The following MAP3K21 variants were observed in gnomAD, a reference collection of about 807,000 sequenced individuals.
MAP3K21 encodes mitogen-activated protein kinase kinase kinase MLK4.
Under a neutral mutation model 86.1 loss-of-function variants are expected in MAP3K21, and 63 were observed. The ratio of observed to expected loss-of-function variants is 0.73; its 90% CI spans 0.60 to 0.90. The LOEUF (loss-of-function observed/expected upper bound fraction) is 0.90, where lower values mean the gene tolerates loss of function less well. Ranked by LOEUF, MAP3K21 falls within the 40% of genes least tolerant of loss-of-function variation. The probability of loss-of-function intolerance (pLI) is 0.00; values close to 1 mark genes in which losing one functional copy is unlikely to be tolerated. For synonymous variants in MAP3K21, 558 were observed against 564.8 expected (o/e 0.99, Z 0.17); for missense variants, 1,220 against 1,367.7 (o/e 0.89, Z 1.70).
At position 233,371,933 on chromosome 1, in the gene MAP3K21, G is replaced by T. The variant is rs1301935032; in HGVS notation, c.1553-105G>T. The T allele has an allele frequency of 6.1e-6, 7 of 1,143,318 alleles. No individual in the cohort carries two copies. In the African/African-American group the frequency reaches 1.1e-4, roughly 18 times the overall value. The allele number at this position is 1,143,318 out of a possible 1,614,324, so 70.8% of individuals were successfully genotyped here. A position where few individuals can be genotyped will look rare whatever the true frequency, so the allele number is the denominator to read the frequency against. ...AATCGATCCTGCAATATTCTTTGCA[G>T]TTAGGGTCTGACCATTTTTGTTTTT... On this transcript the variant is annotated intron_variant, in intron 5 of 9. Transcript: ENST00000366624.
In MAP3K21 at chr1:233,346,752, T is replaced by G. The variant is rs1663149174; in HGVS notation, c.986+130T>G. 1.1e-5 allele frequency: 9 copies of G among 786,852 alleles called. No individual in the cohort carries two copies. In the South Asian group the frequency reaches 1.6e-4, roughly 14 times the overall value. 48.7% of individuals were successfully genotyped at this position (786,852 alleles called of 1,614,324 possible). ...TTTGAATGAATTTTTATGGTTTTGA[T>G]CAAAATAATTGTAATGACAACGGAA... On this transcript the variant is annotated intron_variant, in intron 2 of 9. Transcript: ENST00000366624.
chr1:233,347,035 C>T (rs1363112002), intron 2 of MAP3K21, among the ~76,000 whole-genome samples: 1 of 152,122 alleles, frequency 6.6e-6, no homozygotes, highest in Non-Finnish European at 1.5e-5. Flanking sequence ...ACTACCATGC[C>T]TGGCTAATTT....
chr1:233,340,764 G>T (rs993040445), intron 1 of MAP3K21, among the ~76,000 whole-genome samples: 3 of 152,188 alleles, frequency 2.0e-5, no homozygotes, highest in Admixed American at 2.0e-4. Flanking sequence ...AAAGTTTCAT[G>T]AAGTTTTTTG....
chr1:233,379,280 G>T lies in MAP3K21; in HGVS notation c.2274G>T (p.Lys758Asn), dbSNP rs142410514. 1.9e-5 allele frequency: 31 copies of T among 1,614,110 alleles called. No homozygotes were observed. The African/African-American group carries it at 4.0e-4, about 21-fold the overall frequency. Reference sequence around the variant, plus strand: ...AACCGTTGCCCAAGGAAGAGAAGAAGAAACGAGAGGGAATCTTCCAGCGGG... The same window carrying T: ...AACCGTTGCCCAAGGAAGAGAAGAATAAACGAGAGGGAATCTTCCAGCGGG... ...AEEPLPKEEK[K>N]KREGIFQRAS... Residue 758 changes from lysine (K) to asparagine (N), a missense_variant, in exon 9 of 10, where the codon AAG becomes AAT. Transcript: ENST00000366624.
At chr1:233,343,002 A>G (rs1002398024) in intron 1 of MAP3K21, among the ~76,000 whole-genome samples, 1 of 152,184 alleles carries the variant, frequency 6.6e-6, no homozygotes, top group Non-Finnish European at 1.5e-5. Context: ...CGGGGAAAAA[A>G]GTTGTAACCC....
intron 1 of MAP3K21, among the ~76,000 whole-genome samples, chr1:233,330,495 A>G (rs780878742): frequency 2.2e-4 from 33 of 152,310 alleles, no homozygotes; most frequent in South Asian, 1.5e-3. Context: ...AGAATGGGTG[A>G]CTTGTCCATG....
At position 233,367,021 on chromosome 1, in the gene MAP3K21, T is replaced by C. The variant is rs1490184489; in HGVS notation, c.1552+4728T>C. Among the ~76,000 whole-genome samples the C allele has an allele frequency of 2.0e-5, 3 of 152,342 alleles. No homozygotes were observed. In the East Asian group the frequency reaches 5.8e-4, roughly 29 times the overall value. ...AAAAGCATGGTCACAGTGCATCTTT[T>C]TATTTTGTGAGTACTCTATATTGAT... On this transcript the variant is annotated intron_variant, in intron 5 of 9. Coordinates refer to ENST00000366624, the MANE Select transcript of MAP3K21 (RefSeq NM_032435.3).
At chr1:233,367,106 A>G (rs1048891930) in intron 5 of MAP3K21, among the ~76,000 whole-genome samples, 1 of 152,168 alleles carries the variant, frequency 6.6e-6, no homozygotes, top group Non-Finnish European at 1.5e-5. Context: ...ACGTTAATAC[A>G]AGACAAAAGC....
intron 1 of MAP3K21, among the ~76,000 whole-genome samples, chr1:233,342,896 C>T (rs977199772): frequency 1.3e-5 from 2 of 152,038 alleles, no homozygotes; most frequent in Admixed American, 6.6e-5. Context: ...TAACCATGGA[C>T]ATATAGCCAT....
intron 2 of MAP3K21, among the ~76,000 whole-genome samples, chr1:233,350,503 A>AT (rs1360098896): frequency 2.0e-5 from 3 of 152,190 alleles, no homozygotes; most frequent in Non-Finnish European, 4.4e-5. Flanking sequence ...TGATATTTCC[A>AT]TAAAAAAAAG....
At chr1:233,371,296 C>A (rs931051639) in intron 5 of MAP3K21, among the ~76,000 whole-genome samples, 2 of 152,106 alleles carry the variant, frequency 1.3e-5, no homozygotes, top group African/African-American at 4.8e-5. Context: ...AGGTCCATAG[C>A]GTGTTATGTT....
intron 5 of MAP3K21, among the ~76,000 whole-genome samples, chr1:233,365,055 A>G (rs1435759245): frequency 6.6e-6 from 1 of 152,220 alleles, no homozygotes; most frequent in African/African-American, 2.4e-5. Context: ...AACTATAAAA[A>G]TAATTATTTT....
At position 233,376,410 on chromosome 1, in the gene MAP3K21, G is replaced by C. The variant is rs992287813; in HGVS notation, c.1827-20G>C. ...GTTGTGTGCTTCTATCTTATGAAAA[G>C]AAACATTTTTCTCTTGTAGGATAAG... On this transcript the variant is annotated intron_variant, in intron 7 of 9. Coordinates refer to ENST00000366624, the MANE Select transcript of MAP3K21 (RefSeq NM_032435.3). The C allele has an allele frequency of 1.3e-6, 2 of 1,558,068 alleles. No individual in the cohort carries two copies. The highest frequency in any genetic ancestry group is 2.7e-5 in the African/African-American group (2 of 73,518).
chr1:233,332,293 G>GGGGT (rs1036459090), intron 1 of MAP3K21, among the ~76,000 whole-genome samples: 44 of 152,136 alleles, frequency 2.9e-4, no homozygotes, highest in African/African-American at 1.0e-3. Flanking sequence ...AGCATGGTAA[G>GGGGT]GGGTGGAGAG....
intron 2 of MAP3K21, among the ~76,000 whole-genome samples, chr1:233,349,605 G>T (rs1301781529): frequency 6.6e-6 from 1 of 152,078 alleles, no homozygotes; most frequent in African/African-American, 2.4e-5. Context: ...TCTCAAAATT[G>T]ATTTATTTAC....
intron 1 of MAP3K21, among the ~76,000 whole-genome samples, chr1:233,334,008 G>A (rs1425803776): frequency 4.6e-5 from 7 of 151,898 alleles, no homozygotes; most frequent in African/African-American, 1.2e-4. Flanking sequence ...GACTACAGGC[G>A]CCCGCCACCA....
At chr1:233,372,429 C>T (rs997947117) in intron 6 of MAP3K21, 20 of 421,440 alleles carry the variant, frequency 4.7e-5, no homozygotes, top group African/African-American at 4.0e-4. Flanking sequence ...CATCTCGAGA[C>T]ATTCTGTTAA....
At chr1:233,330,317 G>A (rs187664065) in intron 1 of MAP3K21, among the ~76,000 whole-genome samples, 4 of 152,310 alleles carry the variant, frequency 2.6e-5, no homozygotes, top group Non-Finnish European at 5.9e-5. Context: ...GTTACTGGTA[G>A]CGGTGTATTC....
At chr1:233,355,483 A>G (rs1391294016) in intron 4 of MAP3K21, among the ~76,000 whole-genome samples, 1 of 152,188 alleles carries the variant, frequency 6.6e-6, no homozygotes, top group East Asian at 1.9e-4. Flanking sequence ...TTTTCTTACT[A>G]CATGCTGGGA....
Sources: gnomAD v4.1 joint callset for allele counts (sites outside exome capture counted in the v4.1 genomes callset) on GRCh38, gnomAD v4.1.1 for gene constraint, MANE v1.5 for transcripts, NCBI Gene and HGNC (gene_info 2026-07-23, HGNC 2026-07-21) for gene names.